The following SCAI variants were observed in gnomAD, a reference collection of about 807,000 sequenced individuals.
SCAI encodes protein SCAI.
Under a neutral mutation model 92.2 loss-of-function variants are expected in SCAI, and 24 were observed. The observed-to-expected ratio is 0.26, with a 90% CI of 0.19 to 0.37. The LOEUF is 0.37. SCAI is among the 10% of genes least tolerant of loss of function. The probability of loss-of-function intolerance (pLI) is 1.00; values close to 1 mark genes in which losing one functional copy is unlikely to be tolerated. For missense variants in SCAI, 450 were observed against 736.2 expected, an observed-to-expected ratio of 0.61 and a Z score of 4.50; for synonymous variants, 261 against 258.6, an observed-to-expected ratio of 1.01 and a Z score of -0.09.
At chr9:125,103,704 T>C (rs575712489) in intron 2 of SCAI, among the ~76,000 whole-genome samples, 23 of 152,324 alleles carry the variant, frequency 1.5e-4, no homozygotes, top group Non-Finnish European at 2.6e-4. Flanking sequence ...AGTGATGTTG[T>C]TTCACCTTAT....
rs2131113192 is a variant in SCAI, at chr9:125,043,115, G to A, written c.230+12761C>T. On this transcript the variant is annotated intron_variant, in intron 3 of 17. Transcript: ENST00000336505. ...ACTCCTGACGTCAAGTGATCCACCT[G>A]CCCTGGCTTCCCAAAGTGCTGGAAT... Among the ~76,000 whole-genome samples, 2 of 151,830 alleles carry A rather than the reference G, an allele frequency of 1.3e-5. 1 individual carries two copies. The highest frequency in any genetic ancestry group is 4.2e-4 in the South Asian group (2 of 4,804).
chr9:124,965,197 G>A (rs1831514618), intron 17 of SCAI, among the ~76,000 whole-genome samples: 1 of 151,934 alleles, frequency 6.6e-6, no homozygotes, highest in Non-Finnish European at 1.5e-5. Context: ...TATATAATGA[G>A]TTTGCTTTTT....
At chr9:124,981,727 G>C (rs113654901) in intron 14 of SCAI, among the ~76,000 whole-genome samples, 34 of 151,774 alleles carry the variant, frequency 2.2e-4, no homozygotes, top group African/African-American at 7.5e-4. Flanking sequence ...ATAGCTCACC[G>C]CAGTCTTTAT....
At chr9:125,126,565 T>C (rs931665766) in intron 2 of SCAI, among the ~76,000 whole-genome samples, 2 of 127,884 alleles carry the variant, frequency 1.6e-5, no homozygotes, top group African/African-American at 6.0e-5. Context: ...TGGGTGGGTG[T>C]GGGTGTGTGT....
chr9:125,089,755 A>G (rs1000776431), intron 2 of SCAI, among the ~76,000 whole-genome samples: 2 of 152,034 alleles, frequency 1.3e-5, no homozygotes, highest in African/African-American at 4.8e-5. Flanking sequence ...CCCAGGCTGG[A>G]ATGTAGTGGC....
chr9:125,097,671 G>A (rs1043123183), intron 2 of SCAI, among the ~76,000 whole-genome samples: 1 of 151,722 alleles, frequency 6.6e-6, no homozygotes, highest in Non-Finnish European at 1.5e-5. Context: ...AGAGAAAGAA[G>A]TAGGAAGATT....
intron 9 of SCAI, among the ~76,000 whole-genome samples, chr9:125,005,256 AGAG>A (rs1457775643): frequency 2.0e-5 from 3 of 152,232 alleles, no homozygotes; most frequent in Non-Finnish European, 4.4e-5. Flanking sequence ...AAATAAAAGA[AGAG>A]GAATTATTTA....
chr9:125,127,885 G>C lies in SCAI; in HGVS notation c.98+14748C>G, dbSNP rs1168729137. ...TAGCCAGATATGGTGGTGCGTTCCT[G>C]TAGTCCCAGCTACTCGGGAGGCTGA... On this transcript the variant is annotated intron_variant, in intron 2 of 17. Transcript: ENST00000336505. Among the ~76,000 whole-genome samples, 12 of 151,970 alleles carry C rather than the reference G, an allele frequency of 7.9e-5. 1 individual carries two copies.
intron 9 of SCAI, among the ~76,000 whole-genome samples, chr9:125,004,068 T>C (rs181124692): frequency 3.0e-4 from 46 of 151,938 alleles, no homozygotes; most frequent in African/African-American, 8.7e-4. Flanking sequence ...CCCAGCTACA[T>C]AGGAGGCTGA....
chr9:124,958,349 G>A (rs936476870), intron 17 of SCAI, among the ~76,000 whole-genome samples: 7 of 152,166 alleles, frequency 4.6e-5, no homozygotes, highest in Non-Finnish European at 1.0e-4. Context: ...AAAGGCAGTA[G>A]TGTATTTGAG....
rs1229775327 is a variant in SCAI at position 124,968,396 on chromosome 9, G to C, written c.1674+2974C>G. ...GCACATCATGGAGGGACACGCAATC[G>C]TGGGAGTACACCCAGTTTTTCTCAG... On this transcript the variant is annotated intron_variant, in intron 17 of 17. Coordinates refer to ENST00000336505, the MANE Select transcript of SCAI (RefSeq NM_001144877.3). 1.1e-5 allele frequency: 12 copies of C among 1,128,834 alleles called. No homozygotes were observed. In the Admixed American group the frequency reaches 1.9e-4, roughly 18 times the overall value. 69.9% of individuals were successfully genotyped at this position (1,128,834 alleles called of 1,614,324 possible). A position where few individuals can be genotyped will look rare whatever the true frequency, so the allele number is the denominator to read the frequency against.
At chr9:125,124,603 T>G (rs1588243606) in intron 2 of SCAI, among the ~76,000 whole-genome samples, 1 of 152,226 alleles carries the variant, frequency 6.6e-6, no homozygotes, top group Non-Finnish European at 1.5e-5. Context: ...TTCAAATGAT[T>G]GGATGAGGCT....
intron 16 of SCAI, 80 bp downstream of exon 16, chr9:124,971,591 T>G: frequency 7.0e-7 from 1 of 1,433,272 alleles, no homozygotes; most frequent in Non-Finnish European, 9.5e-7. Flanking sequence ...CCTTTAAAAA[T>G]TCAAACAATT....
At chr9:125,007,845 T>A (rs956396397) in intron 9 of SCAI, among the ~76,000 whole-genome samples, 4 of 151,430 alleles carry the variant, frequency 2.6e-5, no homozygotes, top group African/African-American at 9.7e-5. Flanking sequence ...TAGTTCTTTT[T>A]CTTTTTCTTT....
In SCAI at chr9:124,950,684, G is replaced by A. The variant is rs1321041518; in HGVS notation, c.*2123C>T. On this transcript the variant is annotated 3_prime_UTR_variant, in exon 18 of 18. Coordinates refer to ENST00000336505, the MANE Select transcript of SCAI (RefSeq NM_001144877.3). The stretch of plus-strand genomic sequence containing the variant: ...TGAAAATGAAAACCCACTAGCAAAG[G>A]AAATCTTTCCAGGGTAACTTTTCCC... 1 of 152,050 alleles carries A rather than the reference G, an allele frequency of 6.6e-6. No homozygotes were observed. Among genetic ancestry groups the A allele is most frequent in the Non-Finnish European group, 1.5e-5 (1 of 68,002 alleles). 9.4% of individuals were successfully genotyped at this position (152,050 alleles called of 1,614,324 possible). A position where few individuals can be genotyped will look rare whatever the true frequency, so the allele number is the denominator to read the frequency against.
intron 3 of SCAI, among the ~76,000 whole-genome samples, chr9:125,039,385 CAAA>C (rs58716034): frequency 4.1e-5 from 2 of 48,354 alleles, no homozygotes; most frequent in Non-Finnish European, 4.1e-5. Flanking sequence ...GACTCCATCT[CAAA>C]AAAAAAAAAA....
intron 17 of SCAI, among the ~76,000 whole-genome samples, chr9:124,959,601 T>C (rs917161488): frequency 6.6e-6 from 1 of 151,682 alleles, no homozygotes; most frequent in African/African-American, 2.4e-5. Flanking sequence ...TTGTTACATA[T>C]GTACACATGT....
At chr9:125,098,567 G>A (rs1834612251) in intron 2 of SCAI, among the ~76,000 whole-genome samples, 1 of 152,114 alleles carries the variant, frequency 6.6e-6, no homozygotes, top group Admixed American at 6.5e-5. Context: ...ACTGTTCAAT[G>A]TTACATATCG....
chr9:124,970,230 T>G (rs543744993), intron 17 of SCAI, among the ~76,000 whole-genome samples: 9 of 152,282 alleles, frequency 5.9e-5, no homozygotes, highest in African/African-American at 1.9e-4. Context: ...TTGCAATATA[T>G]AGTCAAACAC....
Sources: gnomAD v4.1 joint callset for allele counts (sites outside exome capture counted in the v4.1 genomes callset) on GRCh38, gnomAD v4.1.1 for gene constraint, MANE v1.5 for transcripts, NCBI Gene and HGNC (gene_info 2026-07-23, HGNC 2026-07-21) for gene names.